CTBP2: variants seen among roughly 807,000 people sequenced by gnomAD.
CTBP2 encodes C-terminal-binding protein 2.
Under a neutral mutation model 80.3 loss-of-function variants are expected in CTBP2, and 30 were observed. The observed-to-expected ratio is 0.37, with a 90% confidence interval of 0.28 to 0.51. The LOEUF is 0.51. Among genes scored for constraint, CTBP2 ranks in the 20% least tolerant of loss-of-function variants. The pLI is 0.93. For synonymous variants in CTBP2, 594 were observed against 587.4 expected (o/e 1.01, Z -0.16); for missense variants, 1,212 against 1,375.3 (o/e 0.88, Z 1.88).
chr10:125,108,177 AC>A (rs1851740663), intron 2 of CTBP2, among the ~76,000 whole-genome samples: 1 of 152,374 alleles, frequency 6.6e-6, no homozygotes, highest in East Asian at 1.9e-4. Context: ...TAAATTTAGC[AC>A]GTCACTATTC....
Position 125,027,063 on chromosome 10 carries a change from C to A in CTBP2, c.697G>T (p.Val233Phe). 6.2e-7 allele frequency: 1 copy of A among 1,612,820 alleles called. No homozygotes were observed. Among genetic ancestry groups the A allele is most frequent in the Non-Finnish European group, 8.5e-7 (1 of 1,179,240 alleles). The change falls in exon 1 of 9, where the codon GTT becomes TTT. Residue 233 changes from valine to phenylalanine, a missense_variant. Val to Phe is a conservative substitution (Grantham distance 50, BLOSUM62 -1). Coordinates refer to ENST00000309035, the MANE Select transcript of CTBP2 (RefSeq NM_022802.3). ...GCAGCAGCTGAACTGGGGTCCACAA[C>A]CAGGCACGTCGGGGCCACCTGTCTG...
chr10:125,025,961 GGTGTGT>G, intron 1 of CTBP2: 1 of 1,241,244 alleles, frequency 8.1e-7, no homozygotes, highest in Non-Finnish European at 1.1e-6. Flanking sequence ...CTTGTTTGGT[GGTGTGT>G]GTGTGTGTGG....
chr10:125,099,699 C>G (rs1214561573), intron 2 of CTBP2, among the ~76,000 whole-genome samples: 1 of 152,232 alleles, frequency 6.6e-6, no homozygotes, highest in Non-Finnish European at 1.5e-5. Context: ...TGCCAAGCTA[C>G]CAGGGGAGGT....
chr10:125,102,451 C>A (rs1158526175), intron 2 of CTBP2, among the ~76,000 whole-genome samples: 1 of 152,240 alleles, frequency 6.6e-6, no homozygotes, highest in African/African-American at 2.4e-5. Context: ...TTTAAACACA[C>A]AGGCAGAGAG....
chr10:125,103,649 C>T (rs537955059), intron 2 of CTBP2, among the ~76,000 whole-genome samples: 2 of 152,300 alleles, frequency 1.3e-5, no homozygotes, highest in African/African-American at 4.8e-5. Flanking sequence ...ACAAAGTGGC[C>T]TCGAGCAGCT....
At chr10:125,020,505 A>C (rs2134566127) in intron 1 of CTBP2, among the ~76,000 whole-genome samples, 1 of 152,338 alleles carries the variant, frequency 6.6e-6, no homozygotes, top group African/African-American at 2.4e-5. Flanking sequence ...GGAGACAGAC[A>C]GAAGAGGGTC....
In CTBP2 at chr10:125,026,950, G is replaced by A. The variant is rs3781410; in HGVS notation, c.810C>T (p.Tyr270=). The A allele has an allele frequency of 1.6e-3, 2,587 of 1,614,066 alleles. 64 individuals are homozygous for A. In the East Asian group the frequency reaches 0.037, roughly 23 times the overall value. Reference sequence around the variant, plus strand: ...TGGACAGGTCAGCTTCGTAAGTCTCGTAAGCCATCTTGGATGGGATGCTTT... The same window carrying A: ...TGGACAGGTCAGCTTCGTAAGTCTCATAAGCCATCTTGGATGGGATGCTTT... The change falls in exon 1 of 9, where the codon TAC becomes TAT. Residue 270 remains tyrosine, a synonymous_variant. Transcript: ENST00000309035.
intron 2 of CTBP2, among the ~76,000 whole-genome samples, chr10:125,071,295 G>T (rs1564848519): frequency 1.3e-5 from 2 of 152,250 alleles, no homozygotes; most frequent in Non-Finnish European, 1.5e-5. Context: ...GACGGCCCTT[G>T]GCACTGGACT....
intron 2 of CTBP2, among the ~76,000 whole-genome samples, chr10:125,108,365 C>G (rs1170948230): frequency 6.6e-6 from 1 of 152,214 alleles, no homozygotes; most frequent in Non-Finnish European, 1.5e-5. Context: ...ATAAATGGCT[C>G]TAGGGCCTCA....
chr10:125,036,953 T>C (rs988217903), intron 3 of CTBP2, among the ~76,000 whole-genome samples: 1 of 152,120 alleles, frequency 6.6e-6, no homozygotes, highest in Admixed American at 6.5e-5. Flanking sequence ...AACAAAGCAC[T>C]TGGGACCAAC....
At chr10:125,153,885 G>C (rs949744218) in intron 1 of CTBP2, among the ~76,000 whole-genome samples, 1 of 152,222 alleles carries the variant, frequency 6.6e-6, no homozygotes, top group African/African-American at 2.4e-5. Flanking sequence ...TTTCAGGCAT[G>C]GCTGGAGCAC....
At chr10:125,025,426 T>C (rs948649351) in intron 1 of CTBP2, among the ~76,000 whole-genome samples, 1 of 152,174 alleles carries the variant, frequency 6.6e-6, no homozygotes, top group African/African-American at 2.4e-5. Context: ...CTTGGAAATA[T>C]ATCCTTCCCT....
chr10:125,121,739 G>C (rs372913583), intron 1 of CTBP2, among the ~76,000 whole-genome samples: 44 of 152,248 alleles, frequency 2.9e-4, no homozygotes, highest in African/African-American at 1.0e-3. Flanking sequence ...CTAGAAATGG[G>C]GAAAAAGGCC....
At chr10:125,082,182 C>G (rs114192823) in intron 2 of CTBP2, among the ~76,000 whole-genome samples, 2,511 of 152,358 alleles carry the variant, frequency 0.016, 75 homozygotes, top group African/African-American at 0.057. Context: ...CCTCCTCCCC[C>G]CAGGCAGCCT....
intron 3 of CTBP2, chr10:124,999,361 G>C (rs1290059223): frequency 6.6e-6 from 1 of 152,056 alleles, no homozygotes; most frequent in Non-Finnish European, 1.5e-5. Flanking sequence ...TCTATCTTAA[G>C]TCCTGAAGAT....
Position 124,986,689 on chromosome 10 carries a change from C to G in CTBP2, c.*2829G>C, listed in dbSNP as rs1321741397. On this transcript the variant is annotated 3_prime_UTR_variant, in exon 9 of 9. Coordinates refer to ENST00000309035, the MANE Select transcript of CTBP2 (RefSeq NM_022802.3). Reference sequence around the variant, plus strand: ...GCTTTCATTTTGGCCAATAAGTAATCAAGTTTGTAGAAAATGTTAGCATTC... The same window carrying G: ...GCTTTCATTTTGGCCAATAAGTAATGAAGTTTGTAGAAAATGTTAGCATTC... 2.6e-5 allele frequency: 4 copies of G among 152,144 alleles called. No homozygotes were observed. The highest frequency in any genetic ancestry group is 9.7e-5 in the African/African-American group (4 of 41,430). The allele number at this position is 152,144 out of a possible 1,614,324, so 9.4% of individuals were successfully genotyped here.
intron 2 of CTBP2, among the ~76,000 whole-genome samples, chr10:125,096,719 A>G (rs1849597587): frequency 7.1e-6 from 1 of 140,646 alleles, no homozygotes; most frequent in Admixed American, 7.6e-5. Context: ...GAAATACAAA[A>G]GTCTACACGG....
In CTBP2 at chr10:125,057,060, C is replaced by T. The variant is rs573275920; in HGVS notation, c.-101-17905G>A. Among the ~76,000 whole-genome samples, 275 of 152,352 alleles carry T rather than the reference C, an allele frequency of 1.8e-3. 1 individual carries two copies. The highest frequency in any genetic ancestry group is 2.7e-3 in the Admixed American group (41 of 15,308). The stretch of plus-strand genomic sequence containing the variant: ...CCTCTCTGCCCTCTGGGTTGGGCTC[C>T]GTTCCCCATGCCAGGTCCTGGGGGC... On this transcript the variant is annotated intron_variant, in intron 2 of 10. Transcript: ENST00000337195.
intron 1 of CTBP2, among the ~76,000 whole-genome samples, chr10:125,018,170 G>A (rs1001984015): frequency 7.2e-5 from 11 of 152,212 alleles, no homozygotes; most frequent in Admixed American, 7.2e-4. Flanking sequence ...CTCTGAGTCT[G>A]TCAGAGGAAA....
Sources: gnomAD v4.1 joint callset for allele counts (sites outside exome capture counted in the v4.1 genomes callset) on GRCh38, gnomAD v4.1.1 for gene constraint, MANE v1.5 for transcripts, NCBI Gene and HGNC (gene_info 2026-07-23, HGNC 2026-07-21) for gene names.